Variants in RFX7 observed in about 807,000 individuals in gnomAD.
The protein encoded by RFX7 is DNA-binding protein RFX7.
Under a neutral mutation model 111.8 loss-of-function variants are expected in RFX7, and 26 were observed. That is an observed-to-expected ratio of 0.23 (90% CI 0.17 to 0.32). The LOEUF (loss-of-function observed/expected upper bound fraction) is 0.32, where lower values mean the gene tolerates loss of function less well. RFX7 is among the 10% of genes least tolerant of loss of function. The pLI, the probability that RFX7 is intolerant of heterozygous loss-of-function variation, is 1.00. For synonymous variants in RFX7, 624 were observed against 624.4 expected (o/e 1.00, Z 0.01); for missense variants, 1,573 against 1,772.9 (o/e 0.89, Z 2.02).
At chr15:56,104,272 CA>C (rs1182686845) in intron 5 of RFX7, among the ~76,000 whole-genome samples, 1 of 152,150 alleles carries the variant, frequency 6.6e-6, no homozygotes, top group Non-Finnish European at 1.5e-5. Flanking sequence ...ACAGTAACTT[CA>C]AGTGGGATCT....
At chr15:56,221,063 G>C (rs1048546364) in intron 2 of RFX7, among the ~76,000 whole-genome samples, 1 of 152,278 alleles carries the variant, frequency 6.6e-6, no homozygotes, top group Admixed American at 6.5e-5. Flanking sequence ...GTACCATGCT[G>C]TTTTGGTTAC....
chr15:56,216,609 A>T (rs1181126642), intron 2 of RFX7, among the ~76,000 whole-genome samples: 1 of 152,152 alleles, frequency 6.6e-6, no homozygotes, highest in Non-Finnish European at 1.5e-5. Flanking sequence ...CTATTTAATC[A>T]ATTTCTACCT....
At chr15:56,103,334 T>A (rs2041784445) in intron 6 of RFX7, among the ~76,000 whole-genome samples, 1 of 152,174 alleles carries the variant, frequency 6.6e-6, no homozygotes, top group Non-Finnish European at 1.5e-5. Flanking sequence ...GTAAAATCTA[T>A]CACAATTCTA....
chr15:56,136,695 A>G (rs1201106337), intron 5 of RFX7, among the ~76,000 whole-genome samples: 1 of 150,234 alleles, frequency 6.7e-6, no homozygotes, highest in East Asian at 2.0e-4. Flanking sequence ...GTCTTGTGCC[A>G]GTTTTCAAAG....
At chr15:56,156,610 G>T (rs1484239428) in intron 3 of RFX7, among the ~76,000 whole-genome samples, 2 of 151,216 alleles carry the variant, frequency 1.3e-5, no homozygotes, top group Non-Finnish European at 2.9e-5. Context: ...CAAGTGTCTG[G>T]TAACAAAGAA....
chr15:56,192,149 A>T (rs2043106618), intron 2 of RFX7, among the ~76,000 whole-genome samples: 1 of 152,144 alleles, frequency 6.6e-6, no homozygotes, highest in South Asian at 2.1e-4. Flanking sequence ...TAAACATGGG[A>T]ATTAGTTCTT....
intron 9 of RFX7, among the ~76,000 whole-genome samples, chr15:56,097,000 C>T (rs2041688247): frequency 6.6e-6 from 1 of 151,924 alleles, no homozygotes; most frequent in Admixed American, 6.6e-5. Context: ...ATGGCTCACT[C>T]ATAGGGGAAA....
At chr15:56,126,922 A>G (rs1439936160) in intron 5 of RFX7, among the ~76,000 whole-genome samples, 4 of 152,198 alleles carry the variant, frequency 2.6e-5, no homozygotes, top group East Asian at 3.8e-4. Context: ...AGAGACTTCA[A>G]TGCTCCAATT....
chr15:56,140,916 C>T (rs190346268), intron 5 of RFX7, among the ~76,000 whole-genome samples: 46 of 152,252 alleles, frequency 3.0e-4, no homozygotes, highest in African/African-American at 9.4e-4. Flanking sequence ...ATCACTCTTC[C>T]GCAAATGCAG....
At chr15:56,192,946 T>TA (rs1439749005) in intron 2 of RFX7, 2 of 185,998 alleles carry the variant, frequency 1.1e-5, no homozygotes, top group African/African-American at 4.7e-5. Flanking sequence ...CCTCTACCAC[T>TA]AGGTCTGTGC....
chr15:56,202,119 G>A (rs535537334), intron 2 of RFX7, among the ~76,000 whole-genome samples: 1 of 152,176 alleles, frequency 6.6e-6, no homozygotes, highest in East Asian at 1.9e-4. Flanking sequence ...AGACCAGAAA[G>A]CTTTATAAAA....
intron 2 of RFX7, among the ~76,000 whole-genome samples, chr15:56,238,105 G>A (rs1457960007): frequency 6.6e-6 from 1 of 152,146 alleles, no homozygotes; most frequent in Non-Finnish European, 1.5e-5. Flanking sequence ...TGTAGCTGAA[G>A]GAACAATATT....
chr15:56,128,647 A>G (rs1418414395), intron 5 of RFX7, among the ~76,000 whole-genome samples: 1 of 152,212 alleles, frequency 6.6e-6, no homozygotes, highest in African/African-American at 2.4e-5. Context: ...ATCAGGCAAC[A>G]GACAAGGAAG....
intron 2 of RFX7, among the ~76,000 whole-genome samples, chr15:56,222,311 T>C (rs529599687): frequency 6.6e-6 from 1 of 152,290 alleles, no homozygotes; most frequent in South Asian, 2.1e-4. Flanking sequence ...TCTTTATTTT[T>C]AGTTTTAAGT....
At chr15:56,230,159 A>G (rs1163601298) in intron 2 of RFX7, among the ~76,000 whole-genome samples, 3 of 152,190 alleles carry the variant, frequency 2.0e-5, no homozygotes, top group Non-Finnish European at 4.4e-5. Context: ...TAAAATTCCA[A>G]GTTTATCTCT....
intron 5 of RFX7, among the ~76,000 whole-genome samples, chr15:56,131,906 A>C (rs1170518310): frequency 6.6e-6 from 1 of 151,870 alleles, no homozygotes; most frequent in African/African-American, 2.4e-5. Context: ...TAAATATAAA[A>C]TGTACAACAT....
At chr15:56,235,545 T>C (rs1334395684) in intron 2 of RFX7, among the ~76,000 whole-genome samples, 1 of 152,166 alleles carries the variant, frequency 6.6e-6, no homozygotes, top group Non-Finnish European at 1.5e-5. Context: ...GCTTGGTTTA[T>C]ACCTTAAAAC....
Position 56,243,158 on chromosome 15 carries a change from C to G in RFX7, c.128G>C (p.Ser43Thr), listed in dbSNP as rs2043729442. The G allele has an allele frequency of 7.3e-7, 1 of 1,360,842 alleles. No homozygotes were observed. The highest frequency in any genetic ancestry group is 1.9e-5 in the Admixed American group (1 of 51,914). The allele number at this position is 1,360,842 out of a possible 1,614,324, so 84.3% of individuals were successfully genotyped here. A position where few individuals can be genotyped will look rare whatever the true frequency, so the allele number is the denominator to read the frequency against. The change falls in exon 2 of 10, where the codon AGC (serine) becomes ACC (threonine). Residue 43 changes from serine to threonine, a missense_variant. Ser to Thr is a moderately conservative substitution (Grantham distance 58). Transcript: ENST00000559447. The stretch of plus-strand genomic sequence containing the variant: ...GTTCTTGATCTTGTGTTGCAGCGCG[C>G]TGGCCTCTGTCCCTGGCAGCCCGGG... ...LVPGLPGTEA[S>T]ALQHKIKNSI...
At chr15:56,147,963 G>C (rs1230067673) in intron 3 of RFX7, among the ~76,000 whole-genome samples, 1 of 152,204 alleles carries the variant, frequency 6.6e-6, no homozygotes, top group Non-Finnish European at 1.5e-5. Context: ...AACATTTGTA[G>C]ACTTAAAAGT....
Sources: allele counts gnomAD v4.1 joint callset (sites outside exome capture counted in the v4.1 genomes callset), GRCh38; gene constraint gnomAD v4.1.1; transcripts MANE v1.5; gene names NCBI Gene and HGNC (gene_info 2026-07-23, HGNC 2026-07-21).